The following AFF4 variants were observed in gnomAD, a reference collection of about 807,000 sequenced individuals.
The protein encoded by AFF4 is ALF transcription elongation factor 4, also known as AF4/FMR2 family member 4.
A neutral mutation model predicts 124.8 loss-of-function variants in AFF4; 13 were observed. That is an observed-to-expected ratio of 0.10 (90% CI 0.07 to 0.17). The LOEUF (loss-of-function observed/expected upper bound fraction) is 0.17. AFF4 is among the 10% of genes least tolerant of loss of function. The probability of loss-of-function intolerance (pLI) is 1.00; values close to 1 mark genes in which losing one functional copy is unlikely to be tolerated. For synonymous variants in AFF4, 477 were observed against 496.1 expected, an observed-to-expected ratio of 0.96 and a Z score of 0.51; for missense variants, 1,092 against 1,403.8, an observed-to-expected ratio of 0.78 and a Z score of 3.55.
intron 5 of AFF4, among the ~76,000 whole-genome samples, chr5:132,910,237 G>A (rs1340828717): frequency 6.6e-6 from 1 of 152,160 alleles, no homozygotes; most frequent in Non-Finnish European, 1.5e-5. Context: ...AATTGTTTTT[G>A]TTTTTAAATG....
Position 132,958,084 on chromosome 5 carries a change from CTTTT to C in AFF4, c.-5+5171_-5+5174del, listed in dbSNP as rs1462548612. On this transcript the variant is annotated intron_variant, in intron 1 of 20. Coordinates refer to ENST00000265343, the MANE Select transcript of AFF4 (RefSeq NM_014423.4). The stretch of plus-strand genomic sequence containing the variant: ...TGATGATATTAAGGAATGCGTGTTA[CTTTT>C]TTTAGTGTATAATATTGGGATTGTT... Among the ~76,000 whole-genome samples, 4 of 152,158 alleles carry C rather than the reference CTTTT, an allele frequency of 2.6e-5. No homozygotes were observed. In the East Asian group the frequency reaches 7.7e-4, roughly 29 times the overall value.
chr5:132,935,029 TG>T lies in AFF4; in HGVS notation c.124-89del, dbSNP rs144924092. 3,670 of 1,085,968 alleles carry T rather than the reference TG, an allele frequency of 3.4e-3. 107 individuals are homozygous for T. In the African/African-American group the frequency reaches 0.053, roughly 16 times the overall value. 67.3% of individuals were successfully genotyped at this position (1,085,968 alleles called of 1,614,324 possible). On this transcript the variant is annotated intron_variant, in intron 2 of 20. Transcript: ENST00000265343. ...CTGAACTAATTTTCCAAACTTCGAA[TG>T]GAAAGGGGCTTTTCAAAGGGAGGCT...
rs183334105 is a variant in AFF4, at chr5:132,925,731, A to G, written c.1050+1390T>C. Among the ~76,000 whole-genome samples the G allele has an allele frequency of 1.4e-3, 213 of 152,326 alleles. 1 individual carries two copies. The highest frequency in any genetic ancestry group is 5.1e-3 in the African/African-American group (211 of 41,582). On this transcript the variant is annotated intron_variant, in intron 5 of 20. Coordinates refer to ENST00000265343, the MANE Select transcript of AFF4 (RefSeq NM_014423.4). Reference sequence around the variant, plus strand: ...ATGGAATGCCATTTTTACTCAAAACACTGCTGTTTAATAATATCAAATGGT... The same window carrying G: ...ATGGAATGCCATTTTTACTCAAAACGCTGCTGTTTAATAATATCAAATGGT...
chr5:132,900,105 T>C (rs1760510943), intron 7 of AFF4, among the ~76,000 whole-genome samples: 1 of 152,240 alleles, frequency 6.6e-6, no homozygotes, highest in South Asian at 2.1e-4. Flanking sequence ...GTATAACTGT[T>C]GACAACTGGG....
intron 2 of AFF4, among the ~76,000 whole-genome samples, chr5:132,936,140 G>A (rs1256838317): frequency 3.3e-5 from 5 of 151,372 alleles, no homozygotes; most frequent in Non-Finnish European, 5.9e-5. Flanking sequence ...GGTGGCAGGC[G>A]CCTGTAGTCC....
At chr5:132,908,289 ATGAC>A (rs1317849041) in intron 5 of AFF4, among the ~76,000 whole-genome samples, 1 of 152,204 alleles carries the variant, frequency 6.6e-6, no homozygotes, top group African/African-American at 2.4e-5. Flanking sequence ...ATATTTATGA[ATGAC>A]AACAAAACCT....
At position 132,885,843 on chromosome 5, in the gene AFF4, G is replaced by C. The variant is rs562192788; in HGVS notation, c.3099+467C>G. Among the ~76,000 whole-genome samples the C allele has an allele frequency of 8.5e-5, 13 of 152,136 alleles. No homozygotes were observed. In the South Asian group the frequency reaches 1.7e-3, roughly 19 times the overall value. The stretch of plus-strand genomic sequence containing the variant: ...GGCTGGAGTGCAGTGGCATGACCTC[G>C]GCTCACTGCAGCCTCCGCCTCCAGG... On this transcript the variant is annotated intron_variant, in intron 18 of 20. Transcript: ENST00000265343.
At chr5:132,960,873 G>A (rs1430198955) in intron 1 of AFF4, among the ~76,000 whole-genome samples, 1 of 152,036 alleles carries the variant, frequency 6.6e-6, no homozygotes, top group Non-Finnish European at 1.5e-5. Flanking sequence ...GCAAGAGACA[G>A]GGAAAAAAAG....
At position 132,877,419 on chromosome 5, in the gene AFF4, G is replaced by GA; in HGVS notation, c.*3639dup. ...ACATTAATATTCAAGGTGTCAACAA[G>GA]AAAGTGTCTTAGATCAATTTAATAA... On this transcript the variant is annotated 3_prime_UTR_variant, in exon 21 of 21. Coordinates refer to ENST00000265343, the MANE Select transcript of AFF4 (RefSeq NM_014423.4). The GA allele has an allele frequency of 4.6e-6, 1 of 217,284 alleles. No homozygotes were observed. Among genetic ancestry groups the GA allele is most frequent in the East Asian group, 6.9e-5 (1 of 14,472 alleles). The allele number at this position is 217,284 out of a possible 1,614,324, so 13.5% of individuals were successfully genotyped here. A position where few individuals can be genotyped will look rare whatever the true frequency, so the allele number is the denominator to read the frequency against.
chr5:132,911,887 G>A (rs565818721), intron 5 of AFF4, among the ~76,000 whole-genome samples: 1 of 150,450 alleles, frequency 6.6e-6, no homozygotes, highest in Admixed American at 6.6e-5. Flanking sequence ...AAAAAAGAAT[G>A]ACAACAATGT....
In AFF4 at chr5:132,877,481, A is replaced by C; in HGVS notation, c.*3578T>G. On this transcript the variant is annotated 3_prime_UTR_variant, in exon 21 of 21. Transcript: ENST00000265343. ...ATAGTTGCACTAAGCTAAAATACTA[A>C]ACACACACATATTTGACAAACTAAT... is the stretch of plus-strand genomic sequence containing the variant. The C allele has an allele frequency of 4.7e-6, 1 of 214,494 alleles. No homozygotes were observed. Among genetic ancestry groups the C allele is most frequent in the Non-Finnish European group, 9.4e-6 (1 of 106,006 alleles). The allele number at this position is 214,494 out of a possible 1,614,324, so 13.3% of individuals were successfully genotyped here.
intron 5 of AFF4, chr5:132,926,177 A>G (rs559229838): frequency 1.1e-5 from 5 of 441,836 alleles, no homozygotes; most frequent in Non-Finnish European, 1.8e-5. Flanking sequence ...TAATGATTAT[A>G]TATGTATTAC....
At chr5:132,898,473 T>C in intron 9 of AFF4, 81 bp from the exon 10 acceptor site, 2 of 1,416,848 alleles carry the variant, frequency 1.4e-6, no homozygotes, top group South Asian at 1.4e-5. Context: ...CAACCAACTT[T>C]CTTTTTTTCT....
chr5:132,902,854 T>C (rs1454185259), intron 6 of AFF4, among the ~76,000 whole-genome samples: 2 of 152,202 alleles, frequency 1.3e-5, no homozygotes, highest in Non-Finnish European at 2.9e-5. Context: ...GAATGTTTAT[T>C]ATAGCCTGGT....
Position 132,892,234 on chromosome 5 carries a change from T to C in AFF4, c.2567A>G (p.Lys856Arg), listed in dbSNP as rs770762827. Residue 856 changes from lysine to arginine, a missense_variant, in exon 13 of 21, where the codon AAA (lysine) becomes AGA (arginine). Lys to Arg is a conservative substitution (Grantham distance 26). This residue lies in a region of AFF4 where 293 missense variants were observed against 280.2 expected (regional missense o/e 1.05). Transcript: ENST00000265343. ...CTGCTTTGATGTGGAGGAACTGTTT[T>C]TGCTGCTGCCACTCGTCTCCTTGTT... ...NSNKETSGSS[K>R]NSSSTSKQKK... The C allele has an allele frequency of 2.9e-5, 46 of 1,614,018 alleles. No homozygotes were observed. In the East Asian group the frequency reaches 2.9e-4, roughly 10 times the overall value.
chr5:132,883,080 G>A (rs777731020), intron 20 of AFF4, among the ~76,000 whole-genome samples: 11 of 152,062 alleles, frequency 7.2e-5, no homozygotes, highest in Non-Finnish European at 1.3e-4. Context: ...TGCATTTAAT[G>A]TGCCAGAATA....
intron 20 of AFF4, among the ~76,000 whole-genome samples, chr5:132,881,962 C>T (rs963875974): frequency 2.0e-5 from 3 of 151,846 alleles, no homozygotes; most frequent in Middle Eastern, 3.4e-3. Context: ...CCACCACACC[C>T]GGCCACAAAT....
At chr5:132,885,229 A>G (rs960210378) in intron 18 of AFF4, 110 bp from the exon 19 acceptor site, 4 of 731,936 alleles carry the variant, frequency 5.5e-6, no homozygotes, top group Non-Finnish European at 8.7e-6. Flanking sequence ...GCAGCTGTAA[A>G]TATTTAAGAC....
At chr5:132,963,080 G>A (rs1016023676) in intron 1 of AFF4, among the ~76,000 whole-genome samples, 179 bp downstream of exon 1, 2 of 152,164 alleles carry the variant, frequency 1.3e-5, no homozygotes, top group Admixed American at 6.5e-5. Context: ...ATCTTTGCGG[G>A]AAGGTGGTGG....
Sources: allele counts gnomAD v4.1 joint callset (sites outside exome capture counted in the v4.1 genomes callset), GRCh38; gene constraint gnomAD v4.1.1; regional missense constraint gnomAD v4.1.1; transcripts MANE v1.5; gene names NCBI Gene and HGNC (gene_info 2026-07-23, HGNC 2026-07-21).